Variants in PLA2G2E observed in about 807,000 individuals in gnomAD.
PLA2G2E encodes group IIE secretory phospholipase A2.
PLA2G2E carries 14 observed loss-of-function variants against 16.5 expected under a neutral mutation model. The observed-to-expected ratio is 0.85, with a 90% CI of 0.56 to 1.33. The LOEUF (loss-of-function observed/expected upper bound fraction) is 1.33. Among genes scored for constraint, PLA2G2E ranks in the 40% most tolerant of loss-of-function variants. The pLI is 0.00. For synonymous variants in PLA2G2E, 72 were observed against 77.2 expected (o/e 0.93, Z 0.36); for missense variants, 174 against 190.7 (o/e 0.91, Z 0.52).
intron 3 of PLA2G2E, among the ~76,000 whole-genome samples, chr1:19,921,335 A>G (rs2100354825): frequency 6.6e-6 from 1 of 152,312 alleles, no homozygotes; most frequent in Middle Eastern, 3.4e-3. Context: ...GGAAGTGGGT[A>G]TAAGCCTCTC....
At chr1:19,921,575 G>C (rs987322582) in intron 3 of PLA2G2E, among the ~76,000 whole-genome samples, 1 of 152,362 alleles carries the variant, frequency 6.6e-6, no homozygotes, top group Admixed American at 6.5e-5. Context: ...TGGCGGCAGA[G>C]GAAATGGAGC....
At chr1:19,922,060 G>A (rs1170079463) in intron 3 of PLA2G2E, among the ~76,000 whole-genome samples, 2 of 152,214 alleles carry the variant, frequency 1.3e-5, no homozygotes, top group African/African-American at 4.8e-5. Context: ...GGTGTCTGTG[G>A]GTAGGGAGAT....
In PLA2G2E at chr1:19,920,142, G is replaced by A; in HGVS notation, c.*165C>T. 1.6e-6 allele frequency: 1 copy of A among 624,122 alleles called. No individual in the cohort carries two copies. Among genetic ancestry groups the A allele is most frequent in the Non-Finnish European group, 2.8e-6 (1 of 362,864 alleles). 38.7% of individuals were successfully genotyped at this position (624,122 alleles called of 1,614,324 possible). On this transcript the variant is annotated 3_prime_UTR_variant, in exon 4 of 4. Coordinates refer to ENST00000375116, the MANE Select transcript of PLA2G2E (RefSeq NM_014589.3). This position sits in a 1 kb window ranked among gnomAD's most constrained non-coding sequence, Gnocchi z 4.3. ...TCTACAGAGAAGGGGTAGCCTGGGA[G>A]GCTAGTGATGGTCCAGGACATATCT...
chr1:19,922,652 G>A lies in PLA2G2E; in HGVS notation c.144C>T (p.Ile48=), dbSNP rs1184271896. Residue 48 remains isoleucine, a synonymous_variant, in exon 2 of 4, where the codon ATC becomes ATT. Coordinates refer to ENST00000375116, the MANE Select transcript of PLA2G2E (RefSeq NM_014589.3). ...QYNDYGCYCG[I]GGSHWPVDQT... ...GGTCCACCGGCCAGTGGGAGCCACC[G>A]ATGCCGCAGTAACAGCCATAGTCGT... 8 of 1,613,900 alleles carry A rather than the reference G, an allele frequency of 5.0e-6. No homozygotes were observed. The highest frequency in any genetic ancestry group is 1.3e-5 in the African/African-American group (1 of 74,888).
In PLA2G2E at chr1:19,922,782, A is replaced by AGGGAGGGCCCCACCC. The variant is rs1553164466; in HGVS notation, c.41-42_41-28dup. On this transcript the variant is annotated intron_variant, in intron 1 of 3. Coordinates refer to ENST00000375116, the MANE Select transcript of PLA2G2E (RefSeq NM_014589.3). ...TGCAGAGAGGGAGAGGGAGAGGGAG[A>AGGGAGGGCCCCACCC]GGGAGGGCCCCACCCTCTGCAGCCA... 5.6e-6 allele frequency: 9 copies of AGGGAGGGCCCCACCC among 1,610,522 alleles called. No individual in the cohort carries two copies. The South Asian group carries it at 7.7e-5, about 14-fold the overall frequency.
chr1:19,920,695 C>T lies in PLA2G2E; in HGVS notation c.287-246G>A, dbSNP rs1278240706. On this transcript the variant is annotated intron_variant, in intron 3 of 3. Coordinates refer to ENST00000375116, the MANE Select transcript of PLA2G2E (RefSeq NM_014589.3). This position sits in a 1 kb window ranked among gnomAD's most constrained non-coding sequence, Gnocchi z 4.3. ...CCCTGCTCTCCCAAGCCCACGCTGA[C>T]TGCCCTTAGCTCTCTCCGGCCTTAG... is the stretch of plus-strand genomic sequence containing the variant. 6.6e-6 allele frequency among the ~76,000 whole-genome samples: 1 copy of T among 152,172 alleles called. No individual in the cohort carries two copies. The highest frequency in any genetic ancestry group is 2.4e-5 in the African/African-American group (1 of 41,448).
In PLA2G2E at chr1:19,920,561, AAGCCCAAGCTCCCGG is replaced by A; in HGVS notation, c.287-127_287-113del. The A allele has an allele frequency of 9.2e-7, 1 of 1,082,288 alleles. No homozygotes were observed. The highest frequency in any genetic ancestry group is 1.3e-6 in the Non-Finnish European group (1 of 753,798). The allele number at this position is 1,082,288 out of a possible 1,614,324, so 67.0% of individuals were successfully genotyped here. On this transcript the variant is annotated intron_variant, in intron 3 of 3. Transcript: ENST00000375116. The surrounding 1 kb of genome is among the most constrained non-coding windows in gnomAD (Gnocchi z 4.3). ...ACCTGGACCAACTCCATTCTGATGGAAGCCCAAGCTCCCGGGTTGTTTCACGGATGGGTGAGACAA... is the reference window on the plus strand; with the variant it reads ...ACCTGGACCAACTCCATTCTGATGGAGTTGTTTCACGGATGGGTGAGACAA...
chr1:19,922,235 C>T, intron 3 of PLA2G2E, 63 bp downstream of exon 3: 1 of 1,195,400 alleles, frequency 8.4e-7, no homozygotes, highest in Non-Finnish European at 1.2e-6. Context: ...GGCTTCCTGT[C>T]TTAAGCTGCC....
At position 19,923,568 on chromosome 1, in the gene PLA2G2E, G is replaced by A. The variant is rs368508285; in HGVS notation, c.-9C>T. 5.7e-5 allele frequency: 89 copies of A among 1,548,710 alleles called. No homozygotes were observed. Among genetic ancestry groups the A allele is most frequent in the Non-Finnish European group, 4.7e-5 (54 of 1,145,448 alleles). The stretch of plus-strand genomic sequence containing the variant: ...ACGTGGGGAGATTTCATCCCAGGTT[G>A]GGGGGAAGGGAGGTGCACAAGGAGC... On this transcript the variant is annotated 5_prime_UTR_variant, in exon 1 of 4. An upstream open reading frame in the 5' UTR gains an earlier in-frame stop. Coordinates refer to ENST00000375116, the MANE Select transcript of PLA2G2E (RefSeq NM_014589.3).
rs1382615418 is a variant in PLA2G2E at position 19,920,732 on chromosome 1, G to A, written c.287-283C>T. On this transcript the variant is annotated intron_variant, in intron 3 of 3. Transcript: ENST00000375116. This position sits in a 1 kb window ranked among gnomAD's most constrained non-coding sequence, Gnocchi z 4.3. The stretch of plus-strand genomic sequence containing the variant: ...CTCTCCGGCCTTAGGGACACCACGT[G>A]GTTCCCTAACTCTCACTGCCCCCGA... Among the ~76,000 whole-genome samples the A allele has an allele frequency of 6.6e-6, 1 of 152,146 alleles. No homozygotes were observed. The highest frequency in any genetic ancestry group is 2.4e-5 in the African/African-American group (1 of 41,442).
In PLA2G2E at chr1:19,920,506, C is replaced by T; in HGVS notation, c.287-57G>A. ...GAAGCTCAGGATATGTGTGGGACAG[C>T]TCTTGGCTGCTTCTGGGTCCACGTT... is the stretch of plus-strand genomic sequence containing the variant. On this transcript the variant is annotated intron_variant, in intron 3 of 3. Transcript: ENST00000375116. This position sits in a 1 kb window ranked among gnomAD's most constrained non-coding sequence, Gnocchi z 4.3. 1 of 1,561,566 alleles carries T rather than the reference C, an allele frequency of 6.4e-7. No homozygotes were observed. The highest frequency in any genetic ancestry group is 8.7e-7 in the Non-Finnish European group (1 of 1,147,028).
chr1:19,923,488 G>A (rs1208292166), intron 1 of PLA2G2E, 32 bp downstream of exon 1: 1 of 1,540,214 alleles, frequency 6.5e-7, no homozygotes, highest in Non-Finnish European at 8.8e-7. Context: ...GCCAGATGGG[G>A]CAGAAGGCTG....
At chr1:19,921,605 G>A (rs1377155147) in intron 3 of PLA2G2E, among the ~76,000 whole-genome samples, 1 of 152,232 alleles carries the variant, frequency 6.6e-6, no homozygotes, top group East Asian at 1.9e-4. Flanking sequence ...CCCGCCGCCA[G>A]GACAGAATTT....
chr1:19,922,704 A>C lies in PLA2G2E; in HGVS notation c.92T>G (p.Met31Arg), dbSNP rs201542503. 3 of 1,613,974 alleles carry C rather than the reference A, an allele frequency of 1.9e-6. No homozygotes were observed. The highest frequency in any genetic ancestry group is 2.5e-6 in the Non-Finnish European group (3 of 1,179,954). The change falls in exon 2 of 4, where the codon ATG becomes AGG. Residue 31 changes from methionine to arginine, a missense_variant. Transcript: ENST00000375116. ...GTACTGCAGGGCGGACTTGCCTGTCATCTTCTCGATCATCACCCCAAACTG... is the reference window on the plus strand; with the variant it reads ...GTACTGCAGGGCGGACTTGCCTGTCCTCTTCTCGATCATCACCCCAAACTG... ...LVQFGVMIEK[M>R]TGKSALQYND...
Position 19,920,381 on chromosome 1 carries a change from T to C in PLA2G2E, c.355A>G (p.Asn119Asp), listed in dbSNP as rs958966462. The change falls in exon 4 of 4, where the codon AAC becomes GAC. Residue 119 changes from asparagine (N) to aspartate (D), a missense_variant. Transcript: ENST00000375116. This position sits in a 1 kb window ranked among gnomAD's most constrained non-coding sequence, Gnocchi z 4.3. ...TATTTGCGGTTGTAGGTGCCCAGGTTGCGGCGAAAGCAGAGGGCAGCCCTC... is the reference window on the plus strand; with the variant it reads ...TATTTGCGGTTGTAGGTGCCCAGGTCGCGGCGAAAGCAGAGGGCAGCCCTC... ...DKRAALCFRR[N>D]LGTYNRKYAH... 3.1e-6 allele frequency: 5 copies of C among 1,613,006 alleles called. No individual in the cohort carries two copies. The East Asian group carries it at 6.7e-5, about 22-fold the overall frequency.
In PLA2G2E at chr1:19,923,545, G is replaced by T. The variant is rs41264125; in HGVS notation, c.15C>A (p.His5Gln). MKSP[H>Q]VLVFLCLLVA... ...CCAGGAGGCAAAGGAACACCAGCAC[G>T]TGGGGAGATTTCATCCCAGGTTGGG... Residue 5 changes from histidine (H) to glutamine (Q), a missense_variant, in exon 1 of 4, where the codon CAC (histidine) becomes CAA (glutamine). By Grantham distance (24) the His-to-Gln change is conservative. Coordinates refer to ENST00000375116, the MANE Select transcript of PLA2G2E (RefSeq NM_014589.3). The T allele has an allele frequency of 1.9e-6, 3 of 1,550,900 alleles. No homozygotes were observed. Among genetic ancestry groups the T allele is most frequent in the Admixed American group, 2.0e-5 (1 of 50,934 alleles).
chr1:19,923,256 G>A (rs2045833121), intron 1 of PLA2G2E, among the ~76,000 whole-genome samples: 1 of 152,230 alleles, frequency 6.6e-6, no homozygotes, highest in East Asian at 1.9e-4. Flanking sequence ...TAGGATAGGA[G>A]AAGGAGCCTA....
chr1:19,920,362 C>T lies in PLA2G2E; in HGVS notation c.374G>A (p.Arg125His), dbSNP rs762351431. ...CTTGTTGGGATAATGGGCATATTTG[C>T]GGTTGTAGGTGCCCAGGTTGCGGCG... Reference protein sequence around the residue: ...CFRRNLGTYNRKYAHYPNKLC... With the variant: ...CFRRNLGTYNHKYAHYPNKLC... The change falls in exon 4 of 4, where the codon CGC becomes CAC. Residue 125 changes from arginine to histidine, a missense_variant. By Grantham distance (29) the Arg-to-His change is conservative (BLOSUM62 0). Coordinates refer to ENST00000375116, the MANE Select transcript of PLA2G2E (RefSeq NM_014589.3). This position sits in a 1 kb window ranked among gnomAD's most constrained non-coding sequence, Gnocchi z 4.3. 22 of 1,613,556 alleles carry T rather than the reference C, an allele frequency of 1.4e-5. No homozygotes were observed. In the East Asian group the frequency reaches 1.6e-4, roughly 11 times the overall value.
intron 1 of PLA2G2E, 53 bp from the exon 2 acceptor site, chr1:19,922,808 A>C: frequency 1.3e-6 from 2 of 1,597,742 alleles, no homozygotes; most frequent in Non-Finnish European, 8.5e-7. Context: ...TCTGCAGCCA[A>C]CTTCCCCTGA....
Sources: allele counts gnomAD v4.1 joint callset (sites outside exome capture counted in the v4.1 genomes callset), GRCh38; gene constraint gnomAD v4.1.1; non-coding constraint Gnocchi (gnomAD v3.1); transcripts MANE v1.5; gene names NCBI Gene and HGNC (gene_info 2026-07-23, HGNC 2026-07-21).